Variants in EYA2 observed in about 807,000 individuals in gnomAD.
EYA2 encodes the protein EYA transcriptional coactivator and phosphatase 2, also known as protein phosphatase EYA2.
In EYA2, 31 loss-of-function variants were observed where a neutral mutation model predicts 69.2. That is an observed-to-expected ratio of 0.45 (90% CI 0.34 to 0.60). EYA2 has a LOEUF of 0.60. Ranked by LOEUF, EYA2 falls within the 20% of genes least tolerant of loss-of-function variation. EYA2 has a pLI of 0.02. For synonymous variants in EYA2, 257 were observed against 279.4 expected (o/e 0.92, Z 0.80); for missense variants, 622 against 701.2 (o/e 0.89, Z 1.28).
At chr20:47,036,696 C>A (rs1984734404) in intron 5 of EYA2, among the ~76,000 whole-genome samples, 1 of 152,222 alleles carries the variant, frequency 6.6e-6, no homozygotes, top group East Asian at 1.9e-4. Flanking sequence ...CAGCCGGAAT[C>A]CAAAGTTCTT....
rs986244484 is a variant in EYA2, at chr20:47,089,231, T to C, written c.662-8T>C. The C allele has an allele frequency of 1.2e-6, 2 of 1,612,996 alleles. No individual in the cohort carries two copies. Among genetic ancestry groups the C allele is most frequent in the African/African-American group, 2.7e-5 (2 of 74,886 alleles). ...CTGATTTGTCCACCATTCCCTTTCT[T>C]ACGCCAGGTGAATACAACACACACA... On this transcript the variant is annotated splice_polypyrimidine_tract_variant and splice_region_variant and intron_variant, in intron 7 of 15. Transcript: ENST00000327619.
chr20:46,920,021 T>C (rs1330017548), intron 1 of EYA2, among the ~76,000 whole-genome samples: 1 of 152,142 alleles, frequency 6.6e-6, no homozygotes, highest in Non-Finnish European at 1.5e-5. Context: ...CATTTATACA[T>C]TAAGTTCACC....
chr20:47,137,995 G>A (rs1448555461), intron 9 of EYA2, among the ~76,000 whole-genome samples: 4 of 149,360 alleles, frequency 2.7e-5, no homozygotes, highest in African/African-American at 7.5e-5. Flanking sequence ...GTTGTGGGGT[G>A]TGGGGAGGGG....
Position 46,990,093 on chromosome 20 carries a change from C to A in EYA2, c.83C>A (p.Ala28Asp). The change falls in exon 2 of 16, where the codon GCT becomes GAT. Residue 28 changes from alanine to aspartate, a missense_variant. This residue lies in a region of EYA2 where 365 missense variants were observed against 349.7 expected (regional missense o/e 1.04). Coordinates refer to ENST00000327619, the MANE Select transcript of EYA2 (RefSeq NM_005244.5). The part of the protein sequence containing the change: ...DKLKFNRADA[A>D]VWTLSDRQGI... ...CTGAAGTTTAACCGTGCTGACGCTG[C>A]TGTGTGGACTCTGAGTGACAGACAA... 1 of 1,610,372 alleles carries A rather than the reference C, an allele frequency of 6.2e-7. No homozygotes were observed. The highest frequency in any genetic ancestry group is 8.5e-7 in the Non-Finnish European group (1 of 1,176,690).
intron 1 of EYA2, among the ~76,000 whole-genome samples, chr20:46,975,601 T>C (rs6063050): frequency 0.23 from 34,798 of 152,146 alleles, 4,185 homozygotes; most frequent in Non-Finnish European, 0.27. Context: ...GATGGGCCCT[T>C]GTTTTACATG....
intron 1 of EYA2, among the ~76,000 whole-genome samples, chr20:46,961,798 T>G (rs1259649171): frequency 2.0e-5 from 3 of 152,174 alleles, no homozygotes; most frequent in Non-Finnish European, 2.9e-5. Context: ...ATGTTCTCAC[T>G]CATAGTTGGA....
chr20:46,967,261 C>G (rs1393984459), intron 1 of EYA2, among the ~76,000 whole-genome samples: 1 of 152,216 alleles, frequency 6.6e-6, no homozygotes, highest in Non-Finnish European at 1.5e-5. Context: ...CTCGGCCTCC[C>G]GAAGTGTTGG....
intron 9 of EYA2, among the ~76,000 whole-genome samples, chr20:47,126,170 G>A (rs1291728778): frequency 2.0e-5 from 3 of 152,214 alleles, no homozygotes; most frequent in African/African-American, 7.2e-5. Flanking sequence ...GAAAGGGCCT[G>A]GGATTGCAAA....
intron 5 of EYA2, among the ~76,000 whole-genome samples, chr20:47,038,977 T>C (rs1211015649): frequency 6.6e-6 from 1 of 152,100 alleles, no homozygotes; most frequent in Admixed American, 6.6e-5. Context: ...ACTTAGCCTT[T>C]TAGGGGATGC....
At chr20:47,052,364 G>C (rs910110156) in intron 5 of EYA2, among the ~76,000 whole-genome samples, 1 of 152,164 alleles carries the variant, frequency 6.6e-6, no homozygotes, top group South Asian at 2.1e-4. Context: ...AGCATGGGAG[G>C]GGCTGGGGCC....
intron 9 of EYA2, among the ~76,000 whole-genome samples, chr20:47,124,874 T>C (rs1210267749): frequency 4.6e-5 from 5 of 109,682 alleles, no homozygotes; most frequent in Non-Finnish European, 9.2e-5. Context: ...TCTTCAAAGA[T>C]TAAAAAAAAA....
intron 2 of EYA2, among the ~76,000 whole-genome samples, chr20:46,992,401 C>A (rs1165868753): frequency 1.3e-5 from 2 of 152,184 alleles, no homozygotes; most frequent in Non-Finnish European, 2.9e-5. Flanking sequence ...CTGATCAGTA[C>A]TCTGTACTAT....
intron 1 of EYA2, among the ~76,000 whole-genome samples, chr20:46,929,245 G>T (rs978602431): frequency 6.6e-6 from 1 of 151,946 alleles, no homozygotes. Flanking sequence ...ACTAACTTTG[G>T]AAGGATTTAA....
chr20:46,984,349 A>G (rs1415514375), intron 1 of EYA2, among the ~76,000 whole-genome samples: 2 of 151,550 alleles, frequency 1.3e-5, no homozygotes, highest in Non-Finnish European at 2.9e-5. Context: ...TTGAATACCT[A>G]GACTCTGTAA....
chr20:47,140,394 G>GTT (rs41342146), intron 9 of EYA2, among the ~76,000 whole-genome samples: 1,995 of 152,038 alleles, frequency 0.013, 51 homozygotes, highest in East Asian at 0.092. Flanking sequence ...ATTCTTCACA[G>GTT]TTGTGTGTGT....
intron 15 of EYA2, among the ~76,000 whole-genome samples, chr20:47,186,396 G>C (rs1271012635): frequency 1.1e-5 from 1 of 86,982 alleles, no homozygotes; most frequent in Non-Finnish European, 2.2e-5. Context: ...TTTCACTCTT[G>C]TTGCCCAGGT....
Position 47,182,628 on chromosome 20 carries a change from T to TCAAAAAAAAAAAAAAAAAA in EYA2, c.1436-663_1436-662insCAAAAAAAAAAAAAAAAAA, listed in dbSNP as rs779945744. Among the ~76,000 whole-genome samples, 11 of 84,350 alleles carry TCAAAAAAAAAAAAAAAAAA rather than the reference T, an allele frequency of 1.3e-4. 1 individual carries two copies. Among genetic ancestry groups the TCAAAAAAAAAAAAAAAAAA allele is most frequent in the African/African-American group, 2.6e-4 (4 of 15,302 alleles). 55.3% of individuals were successfully genotyped at this position (84,350 alleles called of 152,430 possible). A position where few individuals can be genotyped will look rare whatever the true frequency, so the allele number is the denominator to read the frequency against. ...TGGGCAACAAGAACGAGACTCCGTC[T>TCAAAAAAAAAAAAAAAAAA]AAAAAAAAAAAAAAAAGGTTAAGAT... On this transcript the variant is annotated intron_variant, in intron 14 of 15. Coordinates refer to ENST00000327619, the MANE Select transcript of EYA2 (RefSeq NM_005244.5).
chr20:47,175,463 G>A (rs975852378), intron 12 of EYA2, among the ~76,000 whole-genome samples: 1 of 152,106 alleles, frequency 6.6e-6, no homozygotes, highest in African/African-American at 2.4e-5. Flanking sequence ...GCAAAATGGG[G>A]CCAGTGATGC....
chr20:46,916,124 A>T (rs1178461356), intron 1 of EYA2, among the ~76,000 whole-genome samples: 1 of 152,120 alleles, frequency 6.6e-6, no homozygotes, highest in African/African-American at 2.4e-5. Context: ...TCACTCTCTG[A>T]GGTTACCTTC....
Sources: gnomAD v4.1 joint callset for allele counts (sites outside exome capture counted in the v4.1 genomes callset) on GRCh38, gnomAD v4.1.1 for gene constraint, gnomAD v4.1.1 regional missense constraint, MANE v1.5 for transcripts, NCBI Gene and HGNC (gene_info 2026-07-23, HGNC 2026-07-21) for gene names.